Variants in DGKB observed in about 807,000 individuals in gnomAD.
The protein encoded by DGKB is diacylglycerol kinase beta.
In DGKB, 67 loss-of-function variants were observed where a neutral mutation model predicts 114.3. The ratio of observed to expected loss-of-function variants is 0.59; its 90% CI spans 0.48 to 0.72. The LOEUF (loss-of-function observed/expected upper bound fraction) is 0.72, where lower values mean the gene tolerates loss of function less well. Ranked by LOEUF, DGKB falls within the 30% of genes least tolerant of loss-of-function variation. The probability of loss-of-function intolerance (pLI) is 0.00; values close to 1 mark genes in which losing one functional copy is unlikely to be tolerated. For missense variants in DGKB, 907 were observed against 975.2 expected, an observed-to-expected ratio of 0.93 and a Z score of 0.93; for synonymous variants, 398 against 323.1, an observed-to-expected ratio of 1.23 and a Z score of -2.49.
intron 25 of DGKB, among the ~76,000 whole-genome samples, chr7:14,167,759 T>C (rs994937879): frequency 1.1e-4 from 16 of 152,112 alleles, no homozygotes; most frequent in African/African-American, 3.9e-4. Flanking sequence ...GAACCACAAC[T>C]CACAGAAGAT....
chr7:14,776,833 G>C (rs907479951), intron 2 of DGKB, among the ~76,000 whole-genome samples: 1 of 152,180 alleles, frequency 6.6e-6, no homozygotes, highest in African/African-American at 2.4e-5. Context: ...TGCGAGAAGT[G>C]TGCCACCATC....
chr7:14,737,620 A>G (rs1483790868), intron 4 of DGKB, among the ~76,000 whole-genome samples: 1 of 152,200 alleles, frequency 6.6e-6, no homozygotes, highest in African/African-American at 2.4e-5. Flanking sequence ...CTCAGGCAAT[A>G]AAACCAAACA....
intron 20 of DGKB, among the ~76,000 whole-genome samples, chr7:14,533,160 T>C (rs1183489074): frequency 6.6e-6 from 1 of 151,540 alleles, no homozygotes; most frequent in East Asian, 1.9e-4. Flanking sequence ...GTTCAGCAAA[T>C]AAACATAAAC....
At chr7:14,716,202 A>T (rs1485612128) in intron 6 of DGKB, among the ~76,000 whole-genome samples, 1 of 152,180 alleles carries the variant, frequency 6.6e-6, no homozygotes, top group Non-Finnish European at 1.5e-5. Context: ...GAATTGCATA[A>T]GCCAGTGCTT....
intron 2 of DGKB, among the ~76,000 whole-genome samples, chr7:14,809,156 T>G (rs1843112153): frequency 6.6e-6 from 1 of 152,074 alleles, no homozygotes; most frequent in South Asian, 2.1e-4. Context: ...GATCAGAATA[T>G]CTCAAAAGAA....
At chr7:14,718,455 A>G (rs1828576456) in intron 6 of DGKB, 87 bp downstream of exon 6, 2 of 1,257,980 alleles carry the variant, frequency 1.6e-6, no homozygotes, top group East Asian at 5.2e-5. Flanking sequence ...TTATACAACT[A>G]TACTAATGCA....
intron 20 of DGKB, among the ~76,000 whole-genome samples, chr7:14,514,517 G>T (rs898248937): frequency 1.3e-5 from 2 of 151,990 alleles, no homozygotes; most frequent in African/African-American, 4.8e-5. Context: ...GCAAATAATT[G>T]TTTATTGACA....
At chr7:14,729,123 C>CTTTCTTTT (rs1463141725) in intron 5 of DGKB, among the ~76,000 whole-genome samples, 2 of 113,420 alleles carry the variant, frequency 1.8e-5, no homozygotes, top group African/African-American at 3.6e-5. Flanking sequence ...CATTTTCTTT[C>CTTTCTTTT]TTTTTTTTTT....
intron 2 of DGKB, among the ~76,000 whole-genome samples, chr7:14,776,434 G>C (rs1204022676): frequency 1.3e-5 from 2 of 152,128 alleles, no homozygotes; most frequent in Non-Finnish European, 2.9e-5. Context: ...GGAGGCCTTG[G>C]AGGAAAAAAT....
intron 17 of DGKB, among the ~76,000 whole-genome samples, chr7:14,588,088 A>C (rs1801081498): frequency 6.6e-6 from 1 of 152,092 alleles, no homozygotes; most frequent in African/African-American, 2.4e-5. Flanking sequence ...AAGGTGCACC[A>C]ATGTACAATG....
At chr7:14,922,375 CGTGTGTGTGTGTGT>C (rs150420213) in intron 1 of DGKB, among the ~76,000 whole-genome samples, 7 of 118,280 alleles carry the variant, frequency 5.9e-5, no homozygotes, top group Admixed American at 2.4e-4. Flanking sequence ...GTGTATCCAT[CGTGTGTGTGTGTGT>C]GTGTGTGTGT....
intron 13 of DGKB, among the ~76,000 whole-genome samples, chr7:14,640,472 T>G (rs1405471486): frequency 1.3e-5 from 2 of 152,196 alleles, no homozygotes; most frequent in Non-Finnish European, 2.9e-5. Flanking sequence ...GGGTTTGGGT[T>G]TCCTTGGGCA....
chr7:14,481,206 G>A (rs1353200169), intron 20 of DGKB, among the ~76,000 whole-genome samples: 1 of 151,766 alleles, frequency 6.6e-6, no homozygotes, highest in East Asian at 1.9e-4. Context: ...TCAAATACTT[G>A]ATCACTAGTA....
At chr7:14,235,013 A>G (rs550341920) in intron 23 of DGKB, among the ~76,000 whole-genome samples, 1 of 152,246 alleles carries the variant, frequency 6.6e-6, no homozygotes, top group African/African-American at 2.4e-5. Context: ...CAAAAAAGTA[A>G]CTTGGATTTA....
intron 1 of DGKB, among the ~76,000 whole-genome samples, chr7:14,867,618 T>C (rs1397837142): frequency 1.3e-5 from 2 of 152,132 alleles, no homozygotes; most frequent in Non-Finnish European, 2.9e-5. Flanking sequence ...GAAAACTAAT[T>C]ATAAACCTCT....
At chr7:14,833,060 C>G (rs1846641614) in intron 2 of DGKB, among the ~76,000 whole-genome samples, 1 of 152,072 alleles carries the variant, frequency 6.6e-6, no homozygotes, top group Non-Finnish European at 1.5e-5. Flanking sequence ...TGAAATGCCC[C>G]ATCCTTCTTC....
intron 20 of DGKB, among the ~76,000 whole-genome samples, chr7:14,550,765 A>T (rs1178052654): frequency 6.6e-6 from 1 of 152,200 alleles, no homozygotes; most frequent in Non-Finnish European, 1.5e-5. Flanking sequence ...GCAGACCAAC[A>T]GAATTTTATC....
chr7:14,174,677 C>T (rs866546831), intron 25 of DGKB, among the ~76,000 whole-genome samples: 44 of 152,062 alleles, frequency 2.9e-4, no homozygotes, highest in Admixed American at 5.9e-4. Context: ...ACCATTACCA[C>T]GAGTTTTACC....
At chr7:14,253,534 T>C (rs143118923) in intron 23 of DGKB, among the ~76,000 whole-genome samples, 53 of 152,316 alleles carry the variant, frequency 3.5e-4, no homozygotes, top group African/African-American at 1.2e-3. Flanking sequence ...TATTAACATC[T>C]GAAATAACTA....
Sources: gnomAD v4.1 joint callset for allele counts (sites outside exome capture counted in the v4.1 genomes callset) on GRCh38, gnomAD v4.1.1 for gene constraint, MANE v1.5 for transcripts, NCBI Gene and HGNC (gene_info 2026-07-23, HGNC 2026-07-21) for gene names.